WWOX: variants seen among roughly 807,000 people sequenced by gnomAD.
WWOX encodes WW domain-containing oxidoreductase.
A neutral mutation model predicts 46.2 loss-of-function variants in WWOX; 69 were observed. The observed-to-expected ratio is 1.49, with a 90% CI of 1.23 to 1.82. The LOEUF is 1.82. WWOX is among the 40% of genes most tolerant of loss of function. The pLI is 0.00. For synonymous variants in WWOX, 359 were observed against 202.6 expected (o/e 1.77, Z -6.56); for missense variants, 919 against 542.6 (o/e 1.69, Z -6.89).
intron 8 of WWOX, among the ~76,000 whole-genome samples, chr16:79,100,794 C>T (rs145086592): frequency 1.6e-4 from 24 of 152,222 alleles, no homozygotes; most frequent in African/African-American, 5.8e-4. Flanking sequence ...CCCTTTGGAA[C>T]ATACAATGCA....
intron 8 of WWOX, among the ~76,000 whole-genome samples, chr16:78,823,065 G>C (rs953510562): frequency 2.6e-5 from 4 of 152,162 alleles, no homozygotes; most frequent in Non-Finnish European, 5.9e-5. Flanking sequence ...TGCATGCTTT[G>C]AAGTTTGAAT....
intron 8 of WWOX, among the ~76,000 whole-genome samples, chr16:78,689,567 C>T (rs1023504698): frequency 8.5e-5 from 13 of 152,134 alleles, no homozygotes; most frequent in African/African-American, 2.9e-4. Context: ...GAGAGAATCC[C>T]TTCACCCTTC....
At chr16:78,812,877 A>G (rs1005727784) in intron 8 of WWOX, among the ~76,000 whole-genome samples, 4 of 152,314 alleles carry the variant, frequency 2.6e-5, no homozygotes, top group Non-Finnish European at 5.9e-5. Flanking sequence ...CTATCATTTC[A>G]CATCTTCTTA....
intron 8 of WWOX, among the ~76,000 whole-genome samples, chr16:78,541,819 T>G (rs945213701): frequency 3.3e-5 from 5 of 152,094 alleles, no homozygotes; most frequent in South Asian, 2.1e-4. Flanking sequence ...CTATGAAGTA[T>G]TAGCTTTTTA....
chr16:78,273,142 TCTC>T (rs1219501371), intron 5 of WWOX, among the ~76,000 whole-genome samples: 1 of 152,164 alleles, frequency 6.6e-6, no homozygotes, highest in Non-Finnish European at 1.5e-5. Context: ...CCCAAATCCT[TCTC>T]AAGTCTGTTC....
At chr16:78,297,790 C>T (rs771406726) in intron 5 of WWOX, among the ~76,000 whole-genome samples, 1 of 152,058 alleles carries the variant, frequency 6.6e-6, no homozygotes, top group Non-Finnish European at 1.5e-5. Context: ...CAATAAAACC[C>T]TCCCTTTAAT....
intron 8 of WWOX, among the ~76,000 whole-genome samples, chr16:79,030,182 G>T (rs2047725196): frequency 6.6e-6 from 1 of 152,136 alleles, no homozygotes; most frequent in African/African-American, 2.4e-5. Context: ...ATAGCCATTG[G>T]TTAAAAATGC....
intron 8 of WWOX, among the ~76,000 whole-genome samples, chr16:78,515,183 C>A (rs1347885269): frequency 1.3e-5 from 2 of 152,178 alleles, no homozygotes; most frequent in African/African-American, 4.8e-5. Flanking sequence ...GAGATCGTGT[C>A]ACTGCACTCC....
chr16:79,138,996 T>C (rs1269414160), intron 8 of WWOX, among the ~76,000 whole-genome samples: 1 of 152,122 alleles, frequency 6.6e-6, no homozygotes, highest in East Asian at 1.9e-4. Flanking sequence ...CCCTTTAGTA[T>C]TGATGACCTT....
intron 8 of WWOX, among the ~76,000 whole-genome samples, chr16:79,094,251 T>C (rs933504588): frequency 7.9e-5 from 12 of 151,508 alleles, no homozygotes; most frequent in African/African-American, 2.7e-4. Flanking sequence ...TTCTTTTTTT[T>C]TTTTTTTTCT....
At chr16:78,175,155 A>G (rs1382955911) in intron 5 of WWOX, among the ~76,000 whole-genome samples, 2 of 152,070 alleles carry the variant, frequency 1.3e-5, no homozygotes, top group African/African-American at 4.8e-5. Flanking sequence ...GTATGGAGCT[A>G]GCTGGCCTTC....
intron 8 of WWOX, among the ~76,000 whole-genome samples, chr16:78,807,764 C>T (rs1013076070): frequency 3.0e-4 from 46 of 152,314 alleles, no homozygotes; most frequent in African/African-American, 1.1e-3. Context: ...TGTAGAGCTG[C>T]TTGTTTGTCT....
chr16:78,866,605 G>A (rs550721466), intron 8 of WWOX, among the ~76,000 whole-genome samples: 1 of 152,300 alleles, frequency 6.6e-6, no homozygotes, highest in East Asian at 1.9e-4. Flanking sequence ...GGCCACCAAG[G>A]CACTGGTGCA....
chr16:79,173,617 G>A (rs1020073826), intron 8 of WWOX, among the ~76,000 whole-genome samples: 3 of 151,056 alleles, frequency 2.0e-5, no homozygotes, highest in Non-Finnish European at 2.9e-5. Flanking sequence ...ATCAAATAAA[G>A]CCTTTCTCTT....
intron 6 of WWOX, among the ~76,000 whole-genome samples, chr16:78,421,826 CTG>C (rs762988462): frequency 4.1e-4 from 62 of 152,282 alleles, no homozygotes; most frequent in Middle Eastern, 6.8e-3. Flanking sequence ...ATGATATTAA[CTG>C]TGCAATTTTT....
intron 6 of WWOX, among the ~76,000 whole-genome samples, chr16:78,400,121 C>T (rs994631268): frequency 2.0e-5 from 3 of 152,204 alleles, no homozygotes; most frequent in Admixed American, 6.5e-5. Flanking sequence ...CGGTAAAGTT[C>T]GTCAGTTTAA....
chr16:78,934,813 A>C (rs1041544093), intron 8 of WWOX, among the ~76,000 whole-genome samples: 3 of 152,162 alleles, frequency 2.0e-5, no homozygotes, highest in Non-Finnish European at 2.9e-5. Context: ...AAAAGAGAAG[A>C]AGCAGACTGG....
intron 8 of WWOX, among the ~76,000 whole-genome samples, chr16:79,178,451 G>T (rs921494318): frequency 2.0e-5 from 3 of 152,070 alleles, no homozygotes; most frequent in Admixed American, 1.3e-4. Flanking sequence ...CGAGTAGCTG[G>T]ATGACAGGTG....
chr16:78,480,644 A>T (rs2084463290), intron 8 of WWOX, among the ~76,000 whole-genome samples: 1 of 152,242 alleles, frequency 6.6e-6, no homozygotes, highest in Admixed American at 6.5e-5. Flanking sequence ...TATTTTTTAC[A>T]GATAGTACAC....
Sources: gnomAD v4.1 joint callset for allele counts (sites outside exome capture counted in the v4.1 genomes callset) on GRCh38, gnomAD v4.1.1 for gene constraint, MANE v1.5 for transcripts, NCBI Gene and HGNC (gene_info 2026-07-23, HGNC 2026-07-21) for gene names.